The following ASTN2 variants were observed in gnomAD, a reference collection of about 807,000 sequenced individuals.
The protein encoded by ASTN2 is astrotactin 2.
ASTN2 carries 54 observed loss-of-function variants against 139.8 expected under a neutral mutation model. That is an observed-to-expected ratio of 0.39 (90% CI 0.31 to 0.48). The LOEUF (loss-of-function observed/expected upper bound fraction) is 0.48, where lower values mean the gene tolerates loss of function less well. Among genes scored for constraint, ASTN2 ranks in the 20% least tolerant of loss-of-function variants. The pLI, the probability that ASTN2 is intolerant of heterozygous loss-of-function variation, is 0.95. For synonymous variants in ASTN2, 756 were observed against 719.5 expected, an observed-to-expected ratio of 1.05 and a Z score of -0.81; for missense variants, 1,565 against 1,725.1, an observed-to-expected ratio of 0.91 and a Z score of 1.64.
intron 3 of ASTN2, among the ~76,000 whole-genome samples, chr9:117,150,376 T>A (rs1830300312): frequency 6.6e-6 from 1 of 152,054 alleles, no homozygotes; most frequent in Admixed American, 6.6e-5. Flanking sequence ...ACCAGAAAGG[T>A]AATGGACATC....
chr9:117,302,627 G>T (rs1482609120), intron 1 of ASTN2, among the ~76,000 whole-genome samples: 1 of 152,082 alleles, frequency 6.6e-6, no homozygotes, highest in Non-Finnish European at 1.5e-5. Flanking sequence ...CAACCCAGGG[G>T]ACTCAGCATC....
chr9:116,543,629 T>C (rs750443927), intron 19 of ASTN2: 1 of 152,194 alleles, frequency 6.6e-6, no homozygotes, highest in Non-Finnish European at 1.5e-5. Flanking sequence ...CAAATTATAA[T>C]CCCTTAAGAT....
intron 13 of ASTN2, among the ~76,000 whole-genome samples, chr9:116,737,427 G>A (rs1489985318): frequency 6.6e-6 from 1 of 151,678 alleles, no homozygotes; most frequent in Admixed American, 6.6e-5. Flanking sequence ...GGGTGCTCAG[G>A]AATAATTCAG....
At chr9:117,221,526 A>G (rs1052924575) in intron 2 of ASTN2, among the ~76,000 whole-genome samples, 11 of 152,214 alleles carry the variant, frequency 7.2e-5, no homozygotes, top group Admixed American at 7.2e-4. Context: ...GGGATTTGGT[A>G]TTCTAAGACT....
chr9:117,284,228 T>C (rs941659595), intron 2 of ASTN2, among the ~76,000 whole-genome samples: 5 of 152,150 alleles, frequency 3.3e-5, no homozygotes, highest in Non-Finnish European at 7.3e-5. Context: ...CTCAGCCTCA[T>C]GAGTAGCTAG....
At chr9:116,904,940 T>C (rs372158266) in intron 10 of ASTN2, among the ~76,000 whole-genome samples, 2 of 152,076 alleles carry the variant, frequency 1.3e-5, no homozygotes, top group African/African-American at 4.8e-5. Context: ...CAAATGCCCT[T>C]CCACCCTCCG....
intron 1 of ASTN2, among the ~76,000 whole-genome samples, chr9:117,326,004 T>C (rs1828503130): frequency 1.3e-5 from 2 of 152,044 alleles, no homozygotes; most frequent in Admixed American, 1.3e-4. Context: ...GGGTGGGGCA[T>C]TCTCATCCCT....
At chr9:117,083,335 AC>A (rs1197699053) in intron 5 of ASTN2, among the ~76,000 whole-genome samples, 1 of 152,202 alleles carries the variant, frequency 6.6e-6, no homozygotes, top group Non-Finnish European at 1.5e-5. Flanking sequence ...ATAACGCATG[AC>A]ACTATTTAAC....
intron 2 of ASTN2, among the ~76,000 whole-genome samples, chr9:117,290,639 G>C (rs966142970): frequency 1.3e-5 from 2 of 152,234 alleles, no homozygotes; most frequent in South Asian, 4.1e-4. Flanking sequence ...AGATACTCAA[G>C]AAATTCTTGA....
chr9:117,231,851 G>A (rs1466560272), intron 2 of ASTN2, among the ~76,000 whole-genome samples: 8 of 152,218 alleles, frequency 5.3e-5, no homozygotes, highest in Middle Eastern at 3.4e-3. Flanking sequence ...TAAGAATCTC[G>A]TCTATTTTGC....
At chr9:117,246,132 G>C (rs2133082633) in intron 2 of ASTN2, among the ~76,000 whole-genome samples, 1 of 143,850 alleles carries the variant, frequency 7.0e-6, no homozygotes, top group Admixed American at 6.8e-5. Flanking sequence ...AAGGAATCTG[G>C]AATTGAAAAC....
intron 1 of ASTN2, among the ~76,000 whole-genome samples, chr9:117,379,903 G>A (rs923871942): frequency 1.3e-5 from 2 of 152,122 alleles, no homozygotes; most frequent in African/African-American, 2.4e-5. Context: ...GATATTTTCT[G>A]GGTGAAGGGG....
chr9:117,194,174 T>C (rs1831427866), intron 3 of ASTN2, among the ~76,000 whole-genome samples: 1 of 152,144 alleles, frequency 6.6e-6, no homozygotes, highest in Non-Finnish European at 1.5e-5. Flanking sequence ...AAAACCCTCA[T>C]GTGGGCCTTG....
chr9:116,947,679 T>G (rs1835435917), intron 10 of ASTN2, among the ~76,000 whole-genome samples: 1 of 152,202 alleles, frequency 6.6e-6, no homozygotes, highest in Non-Finnish European at 1.5e-5. Flanking sequence ...AGGAATATTT[T>G]TCCATGAACC....
chr9:117,169,749 G>A (rs1830748522), intron 3 of ASTN2, among the ~76,000 whole-genome samples: 1 of 152,100 alleles, frequency 6.6e-6, no homozygotes, highest in East Asian at 1.9e-4. Context: ...GGGGCAGGGG[G>A]CTGGTGTGGG....
At chr9:116,462,248 C>T (rs1377214760) in intron 20 of ASTN2, among the ~76,000 whole-genome samples, 1 of 152,166 alleles carries the variant, frequency 6.6e-6, no homozygotes. Context: ...TCTAACTTCA[C>T]CACAATCCCA....
Position 117,414,359 on chromosome 9 carries a change from TG to T in ASTN2, c.442+137del. 1 of 1,374,560 alleles carries T rather than the reference TG, an allele frequency of 7.3e-7. No homozygotes were observed. Among genetic ancestry groups the T allele is most frequent in the Admixed American group, 2.9e-5 (1 of 34,430 alleles). 85.1% of individuals were successfully genotyped at this position (1,374,560 alleles called of 1,614,324 possible). On this transcript the variant is annotated intron_variant, in intron 1 of 22. Transcript: ENST00000313400. The surrounding 1 kb of genome is among the most constrained non-coding windows in gnomAD (Gnocchi z 4.2). ...CGTTTCCAACCACCTGTGCGACCTC[TG>T]GGCCCCTCCTCTACCCTCTGCCAAC...
chr9:116,579,607 G>A (rs907931786), intron 19 of ASTN2, among the ~76,000 whole-genome samples: 9 of 152,256 alleles, frequency 5.9e-5, no homozygotes, highest in South Asian at 2.1e-4. Context: ...CCAGCCAGGC[G>A]CAATGGTACA....
chr9:116,565,375 CTCTCTCTCTCTCCA>C lies in ASTN2; in HGVS notation c.3355+52935_3355+52948del, dbSNP rs1381270624. 2.6e-3 allele frequency among the ~76,000 whole-genome samples: 79 copies of C among 30,592 alleles called. 1 individual carries two copies. The South Asian group carries it at 0.037, about 14-fold the overall frequency. 20.1% of individuals were successfully genotyped at this position (30,592 alleles called of 152,430 possible). A position where few individuals can be genotyped will look rare whatever the true frequency, so the allele number is the denominator to read the frequency against. ...TTTCTCTCTCTCTCTCTCTCTCTCT[CTCTCTCTCTCTCCA>C]TATATATATATATATATATATATAT... On this transcript the variant is annotated intron_variant, in intron 19 of 22. Transcript: ENST00000313400.
Sources: gnomAD v4.1 joint callset for allele counts (sites outside exome capture counted in the v4.1 genomes callset) on GRCh38, gnomAD v4.1.1 for gene constraint, Gnocchi (gnomAD v3.1) non-coding constraint, MANE v1.5 for transcripts, NCBI Gene and HGNC (gene_info 2026-07-23, HGNC 2026-07-21) for gene names.